SCGB3A2: variants seen among roughly 807,000 people sequenced by gnomAD.
SCGB3A2 encodes the protein pneumo secretory protein 1.
A neutral mutation model predicts 7.7 loss-of-function variants in SCGB3A2; 5 were observed. That is an observed-to-expected ratio of 0.65 (90% CI 0.34 to 1.36). The LOEUF (loss-of-function observed/expected upper bound fraction) is 1.36. Among genes scored for constraint, SCGB3A2 ranks in the 40% most tolerant of loss-of-function variants. The probability of loss-of-function intolerance (pLI) is 0.04; values close to 1 mark genes in which losing one functional copy is unlikely to be tolerated. For synonymous variants in SCGB3A2, 44 were observed against 42.7 expected, an observed-to-expected ratio of 1.03 and a Z score of -0.12; for missense variants, 109 against 103.6, an observed-to-expected ratio of 1.05 and a Z score of -0.23.
intron 2 of SCGB3A2, 139 bp downstream of exon 2, chr5:147,881,787 C>A: frequency 1.3e-6 from 1 of 796,040 alleles, no homozygotes; most frequent in Non-Finnish European, 2.0e-6. Flanking sequence ...ATCCTGGAAT[C>A]TCAGGAAAAA....
In SCGB3A2 at chr5:147,881,445, G is replaced by C. The variant is rs750914244; in HGVS notation, c.56-1G>C. 10 of 1,613,548 alleles carry C rather than the reference G, an allele frequency of 6.2e-6. No homozygotes were observed. Among genetic ancestry groups the C allele is most frequent in the Non-Finnish European group, 2.5e-6 (3 of 1,179,690 alleles). On this transcript the variant is annotated splice_acceptor_variant, in intron 1 of 2. Coordinates refer to ENST00000296694, the MANE Select transcript of SCGB3A2 (RefSeq NM_054023.5). LOFTEE classifies it high-confidence loss of function. ...TCACCTGGTTTCTCTTTTTCCTGCA[G>C]CTACTGCCTTCCTCATCAACAAAGT... is the stretch of plus-strand genomic sequence containing the variant.
chr5:147,881,688 C>A (rs1259062296), intron 2 of SCGB3A2, 40 bp downstream of exon 2: 1 of 1,485,172 alleles, frequency 6.7e-7, no homozygotes, highest in Admixed American at 1.8e-5. Flanking sequence ...AAAGGGGAGG[C>A]ATACTCACCC....
chr5:147,880,861 G>A (rs1375548798), intron 1 of SCGB3A2: 1 of 153,888 alleles, frequency 6.5e-6, no homozygotes, highest in Non-Finnish European at 1.4e-5. Context: ...TGAATTGGTT[G>A]GGAGCAGTTT....
chr5:147,878,744 G>T lies in SCGB3A2; in HGVS notation c.-60G>T. ...TATGGCAAGTGGAACCACTGGCTTG[G>T]TGGATTTTGCTAGATTTTTCTGATT... On this transcript the variant is annotated 5_prime_UTR_variant, in exon 1 of 3. Coordinates refer to ENST00000296694, the MANE Select transcript of SCGB3A2 (RefSeq NM_054023.5). 7.4e-7 allele frequency: 1 copy of T among 1,356,132 alleles called. No individual in the cohort carries two copies. The highest frequency in any genetic ancestry group is 2.3e-5 in the East Asian group (1 of 43,620). 84.0% of individuals were successfully genotyped at this position (1,356,132 alleles called of 1,614,324 possible). A position where few individuals can be genotyped will look rare whatever the true frequency, so the allele number is the denominator to read the frequency against.
At chr5:147,881,900 T>A (rs1757354516) in intron 2 of SCGB3A2, 127 bp from the exon 3 acceptor site, 1 of 1,005,552 alleles carries the variant, frequency 9.9e-7, no homozygotes, top group Non-Finnish European at 1.6e-6. Context: ...TGAGACGTAA[T>A]CACTCTGAGT....
chr5:147,879,005 A>G (rs1220242948), intron 1 of SCGB3A2, 147 bp downstream of exon 1: 1 of 625,494 alleles, frequency 1.6e-6, no homozygotes, highest in Non-Finnish European at 2.9e-6. Context: ...CTGACACATA[A>G]TAATTGCACA....
chr5:147,880,470 G>T (rs904171969), intron 1 of SCGB3A2, among the ~76,000 whole-genome samples: 2 of 152,088 alleles, frequency 1.3e-5, no homozygotes, highest in African/African-American at 4.8e-5. Flanking sequence ...CTGCACTCCA[G>T]CCTTCTGGGC....
Position 147,881,459 on chromosome 5 carries a change from C to T in SCGB3A2, c.69C>T (p.Leu23=), listed in dbSNP as rs1407796561. The change falls in exon 2 of 3, where the codon CTC becomes CTT. Residue 23 remains leucine, a synonymous_variant. Transcript: ENST00000296694. The part of the protein sequence containing the change: ...SLCSYSATAF[L]INKVPLPVDK... ...TTTTTCCTGCAGCTACTGCCTTCCT[C>T]ATCAACAAAGTGCCCCTTCCTGTTG... 3 of 1,613,964 alleles carry T rather than the reference C, an allele frequency of 1.9e-6. No individual in the cohort carries two copies. The highest frequency in any genetic ancestry group is 4.5e-5 in the East Asian group (2 of 44,874).
rs373993078 is a variant in SCGB3A2 at position 147,882,077 on chromosome 5, G to A, written c.*27G>A. On this transcript the variant is annotated 3_prime_UTR_variant, in exon 3 of 3. Transcript: ENST00000296694. ...ATCAAGATAAAGAGCGGAGGTGGAT[G>A]GGGATGGAAGATGATGCTCCTATCC... 32 of 1,611,742 alleles carry A rather than the reference G, an allele frequency of 2.0e-5. No individual in the cohort carries two copies. Among genetic ancestry groups the A allele is most frequent in the Non-Finnish European group, 2.5e-5 (30 of 1,178,080 alleles).
intron 1 of SCGB3A2, chr5:147,881,148 G>T: frequency 3.2e-6 from 1 of 310,954 alleles, no homozygotes; most frequent in Non-Finnish European, 5.9e-6. Context: ...GCTTTTTTTA[G>T]GTAATGGTAA....
intron 1 of SCGB3A2, among the ~76,000 whole-genome samples, chr5:147,880,281 C>A (rs1757325829): frequency 6.6e-6 from 1 of 152,032 alleles, no homozygotes; most frequent in Non-Finnish European, 1.5e-5. Flanking sequence ...TTCCTAAAGC[C>A]AAAGATATAA....
chr5:147,881,556 C>A lies in SCGB3A2; in HGVS notation c.166C>A (p.Leu56Met), dbSNP rs1472151691. 3.1e-6 allele frequency: 5 copies of A among 1,613,916 alleles called. No homozygotes were observed. The highest frequency in any genetic ancestry group is 4.2e-6 in the Non-Finnish European group (5 of 1,179,942). The change falls in exon 2 of 3, where the codon CTG (leucine) becomes ATG (methionine). Residue 56 changes from leucine (L) to methionine (M), a missense_variant. Physicochemically the swap from Leu to Met is conservative, Grantham distance 15. Transcript: ENST00000296694. ...MDPLKLLLKTLGISVEHLVEG... is the reference protein window; with the variant it reads ...MDPLKLLLKTMGISVEHLVEG... ...TCCATTAAAGCTTCTTCTGAAAACTCTGGGCATTTCTGTTGAGCACCTTGT... is the reference window on the plus strand; with the variant it reads ...TCCATTAAAGCTTCTTCTGAAAACTATGGGCATTTCTGTTGAGCACCTTGT...
At chr5:147,878,942 C>T in intron 1 of SCGB3A2, 84 bp downstream of exon 1, 1 of 910,064 alleles carries the variant, frequency 1.1e-6, no homozygotes, top group South Asian at 1.4e-5. Flanking sequence ...CCTTGCCTCA[C>T]TGACAGTGGA....
intron 1 of SCGB3A2, among the ~76,000 whole-genome samples, chr5:147,880,449 C>T (rs945809543): frequency 4.6e-5 from 7 of 152,120 alleles, no homozygotes; most frequent in African/African-American, 1.7e-4. Context: ...TGGTCATAGC[C>T]TATTGGAAAT....
chr5:147,881,339 G>A, intron 1 of SCGB3A2, 107 bp from the exon 2 acceptor site: 1 of 877,194 alleles, frequency 1.1e-6, no homozygotes, highest in Non-Finnish European at 1.8e-6. Flanking sequence ...ATGGAAGTAA[G>A]ATGAGTGGAT....
chr5:147,881,733 T>C (rs905184675), intron 2 of SCGB3A2, 85 bp downstream of exon 2: 2 of 1,051,752 alleles, frequency 1.9e-6, no homozygotes, highest in South Asian at 3.1e-5. Context: ...CCCTTGTAAA[T>C]GTGCATTTCC....
At chr5:147,880,952 C>A (rs1434890267) in intron 1 of SCGB3A2, 1 of 156,856 alleles carries the variant, frequency 6.4e-6, no homozygotes, top group Non-Finnish European at 1.4e-5. Flanking sequence ...AAGCTGTGAG[C>A]TGTGGAGACA....
In SCGB3A2 at chr5:147,878,739, G is replaced by A. The variant is rs918308806; in HGVS notation, c.-65G>A. 30 of 1,273,010 alleles carry A rather than the reference G, an allele frequency of 2.4e-5. No individual in the cohort carries two copies. Among genetic ancestry groups the A allele is most frequent in the Middle Eastern group, 3.7e-4 (2 of 5,476 alleles). The allele number at this position is 1,273,010 out of a possible 1,614,324, so 78.9% of individuals were successfully genotyped here. On this transcript the variant is annotated 5_prime_UTR_variant, in exon 1 of 3. Coordinates refer to ENST00000296694, the MANE Select transcript of SCGB3A2 (RefSeq NM_054023.5). ...CTTTGTATGGCAAGTGGAACCACTG[G>A]CTTGGTGGATTTTGCTAGATTTTTC...
chr5:147,882,105 C>T lies in SCGB3A2; in HGVS notation c.*55C>T. The T allele has an allele frequency of 1.9e-6, 3 of 1,566,738 alleles. No individual in the cohort carries two copies. The highest frequency in any genetic ancestry group is 2.6e-6 in the Non-Finnish European group (3 of 1,137,320). On this transcript the variant is annotated 3_prime_UTR_variant, in exon 3 of 3. Transcript: ENST00000296694. ...GATGGAAGATGATGCTCCTATCCTC[C>T]CTGCCTGAAACCTGTTCTACCAATT...
Sources: gnomAD v4.1 joint callset for allele counts (sites outside exome capture counted in the v4.1 genomes callset) on GRCh38, gnomAD v4.1.1 for gene constraint, MANE v1.5 for transcripts, NCBI Gene and HGNC (gene_info 2026-07-23, HGNC 2026-07-21) for gene names.